Variants in CSMD1 observed in about 807,000 individuals in gnomAD.
CSMD1 encodes the protein CUB and Sushi multiple domains 1.
A neutral mutation model predicts 417.5 loss-of-function variants in CSMD1; 213 were observed. The ratio of observed to expected loss-of-function variants is 0.51; its 90% CI spans 0.46 to 0.57. The LOEUF (loss-of-function observed/expected upper bound fraction) is 0.57. CSMD1 is among the 20% of genes least tolerant of loss of function. The pLI is 0.00. For missense variants in CSMD1, 6,923 were observed against 4,529.7 expected (o/e 1.53, Z -15.17); for synonymous variants, 2,862 against 1,736.8 (o/e 1.65, Z -16.11).
chr8:4,256,668 A>G (rs1460040798), intron 3 of CSMD1, among the ~76,000 whole-genome samples: 2 of 152,112 alleles, frequency 1.3e-5, no homozygotes, highest in Non-Finnish European at 2.9e-5. Context: ...GGCTAATGTG[A>G]CTGCAGGAAG....
In CSMD1 at chr8:3,569,156, T is replaced by G. The variant is rs117523588; in HGVS notation, c.1344+5789A>C. 3.3e-3 allele frequency among the ~76,000 whole-genome samples: 502 copies of G among 152,304 alleles called. 1 individual carries two copies. The highest frequency in any genetic ancestry group is 4.2e-3 in the Non-Finnish European group (289 of 68,016). On this transcript the variant is annotated intron_variant, in intron 10 of 69. Transcript: ENST00000635120. ...AAAATCTGCCTCTCCACTAAAGGAA[T>G]CTTCTTGAGAGGCCTTTCATTTTAT... is the stretch of plus-strand genomic sequence containing the variant.
chr8:3,269,595 C>A (rs1463869638), intron 26 of CSMD1, among the ~76,000 whole-genome samples: 9 of 152,152 alleles, frequency 5.9e-5, no homozygotes, highest in Admixed American at 5.2e-4. Context: ...TCTCGCAAAA[C>A]CTGAGAATGA....
At chr8:4,325,329 A>G (rs1343965445) in intron 3 of CSMD1, among the ~76,000 whole-genome samples, 2 of 152,142 alleles carry the variant, frequency 1.3e-5, no homozygotes, top group South Asian at 4.1e-4. Flanking sequence ...CAGTAGTTGG[A>G]GGTGGAGGGT....
chr8:4,016,448 G>A (rs1407767866), intron 4 of CSMD1, among the ~76,000 whole-genome samples: 1 of 152,220 alleles, frequency 6.6e-6, no homozygotes, highest in South Asian at 2.1e-4. Flanking sequence ...TCTCTTAGAC[G>A]TCTCCAGGTC....
intron 5 of CSMD1, among the ~76,000 whole-genome samples, chr8:3,780,467 A>G (rs1370867554): frequency 1.3e-5 from 2 of 152,214 alleles, no homozygotes; most frequent in Non-Finnish European, 2.9e-5. Context: ...ATGGTTCAAA[A>G]TTACATCCTG....
chr8:4,574,840 T>C (rs987742554), intron 2 of CSMD1, among the ~76,000 whole-genome samples: 3 of 152,328 alleles, frequency 2.0e-5, no homozygotes, highest in East Asian at 1.9e-4. Flanking sequence ...AAATCTTTCA[T>C]GATTCAAGTG....
chr8:3,973,837 G>A (rs1229936236), intron 5 of CSMD1, among the ~76,000 whole-genome samples: 1 of 152,054 alleles, frequency 6.6e-6, no homozygotes, highest in South Asian at 2.1e-4. Flanking sequence ...ATATGTAGTT[G>A]CTGTTTTTTA....
intron 46 of CSMD1, among the ~76,000 whole-genome samples, chr8:3,102,755 C>T (rs563726004): frequency 5.9e-5 from 9 of 152,062 alleles, no homozygotes; most frequent in African/African-American, 1.2e-4. Context: ...AAGCCTGGAA[C>T]GGAGTGTTTC....
At chr8:4,895,952 T>C (rs731109) in intron 1 of CSMD1, among the ~76,000 whole-genome samples, 59,137 of 151,708 alleles carry the variant, frequency 0.39, 11,947 homozygotes, top group East Asian at 0.59. Context: ...CATCCCTCCA[T>C]TTTCAGACCT....
intron 3 of CSMD1, among the ~76,000 whole-genome samples, chr8:4,123,005 C>G (rs1802571960): frequency 1.3e-5 from 2 of 152,280 alleles, no homozygotes; most frequent in South Asian, 4.1e-4. Flanking sequence ...CACTGAGCTT[C>G]CAGCTTTGAC....
intron 3 of CSMD1, among the ~76,000 whole-genome samples, chr8:4,298,155 A>G (rs532991076): frequency 6.6e-6 from 1 of 152,180 alleles, no homozygotes; most frequent in Non-Finnish European, 1.5e-5. Context: ...ATAGAAGAAA[A>G]GTTTAGAAAA....
chr8:4,840,404 G>T (rs568211968), intron 1 of CSMD1, among the ~76,000 whole-genome samples: 1 of 152,074 alleles, frequency 6.6e-6, no homozygotes, highest in Non-Finnish European at 1.5e-5. Context: ...AACATATGTC[G>T]AAAACATTTT....
chr8:3,998,190 T>C lies in CSMD1; in HGVS notation c.611-80A>G, dbSNP rs376710283. 7.8e-5 allele frequency: 98 copies of C among 1,252,736 alleles called. No individual in the cohort carries two copies. In the African/African-American group the frequency reaches 1.3e-3, roughly 17 times the overall value. 77.6% of individuals were successfully genotyped at this position (1,252,736 alleles called of 1,614,324 possible). A position where few individuals can be genotyped will look rare whatever the true frequency, so the allele number is the denominator to read the frequency against. On this transcript the variant is annotated intron_variant, in intron 4 of 69. Transcript: ENST00000635120. ...CGAGTGTGTCCACCAAGTGTCACTC[T>C]TGATCAGCGACAAATATTTTCTGAA...
At chr8:4,526,213 T>C (rs752801980) in intron 2 of CSMD1, among the ~76,000 whole-genome samples, 1 of 152,238 alleles carries the variant, frequency 6.6e-6, no homozygotes, top group African/African-American at 2.4e-5. Flanking sequence ...TATTATTTCA[T>C]GCGCTACATT....
chr8:4,409,976 G>C (rs1223897651), intron 3 of CSMD1, among the ~76,000 whole-genome samples: 5 of 152,006 alleles, frequency 3.3e-5, no homozygotes, highest in Non-Finnish European at 7.4e-5. Context: ...ACTACGCCCA[G>C]CAAATTTTTG....
Position 3,403,469 on chromosome 8 carries a change from A to G in CSMD1, c.2266+2558T>C, listed in dbSNP as rs566704307. On this transcript the variant is annotated intron_variant, in intron 15 of 69. Transcript: ENST00000635120. ...GTTTCTCAACGCAGGTAGACTTTTAACATCTTTTCCTATTAACTTTTTCTT... is the reference window on the plus strand; with the variant it reads ...GTTTCTCAACGCAGGTAGACTTTTAGCATCTTTTCCTATTAACTTTTTCTT... Among the ~76,000 whole-genome samples the G allele has an allele frequency of 3.3e-5, 5 of 152,312 alleles. No homozygotes were observed. The East Asian group carries it at 5.8e-4, about 18-fold the overall frequency.
chr8:3,919,428 T>G (rs1031647338), intron 5 of CSMD1, among the ~76,000 whole-genome samples: 33 of 152,078 alleles, frequency 2.2e-4, no homozygotes, highest in African/African-American at 6.8e-4. Context: ...GGCATGTTTT[T>G]TGGTTAGTTG....
intron 23 of CSMD1, among the ~76,000 whole-genome samples, chr8:3,328,910 G>A (rs1200260026): frequency 6.6e-6 from 1 of 152,120 alleles, no homozygotes; most frequent in African/African-American, 2.4e-5. Context: ...TTCAAAATAA[G>A]ACAGCAAGTA....
At chr8:4,838,376 G>A (rs1208195585) in intron 1 of CSMD1, among the ~76,000 whole-genome samples, 1 of 152,136 alleles carries the variant, frequency 6.6e-6, no homozygotes, top group Admixed American at 6.5e-5. Context: ...ATTGAAGATA[G>A]AAAAATAAAT....
Sources: gnomAD v4.1 joint callset for allele counts (sites outside exome capture counted in the v4.1 genomes callset) on GRCh38, gnomAD v4.1.1 for gene constraint, MANE v1.5 for transcripts, NCBI Gene and HGNC (gene_info 2026-07-23, HGNC 2026-07-21) for gene names.